The following ANKRD17 variants were observed in gnomAD, a reference collection of about 807,000 sequenced individuals.
ANKRD17 encodes ankyrin repeat domain 17, also known as ankyrin repeat domain-containing protein 17.
A neutral mutation model predicts 229.7 loss-of-function variants in ANKRD17; 19 were observed. That is an observed-to-expected ratio of 0.08 (90% CI 0.06 to 0.12). ANKRD17 has a LOEUF of 0.12. Among genes scored for constraint, ANKRD17 ranks in the 10% least tolerant of loss-of-function variants. ANKRD17 has a pLI of 1.00. For synonymous variants in ANKRD17, 1,112 were observed against 1,146.1 expected, an observed-to-expected ratio of 0.97 and a Z score of 0.60; for missense variants, 2,176 against 3,176.8, an observed-to-expected ratio of 0.68 and a Z score of 7.57.
intron 28 of ANKRD17, among the ~76,000 whole-genome samples, chr4:73,092,638 T>C (rs1722900486): frequency 6.6e-6 from 1 of 152,194 alleles, no homozygotes; most frequent in Non-Finnish European, 1.5e-5. Context: ...GAAAAACCAC[T>C]GCACATAAAA....
chr4:73,113,694 GCAAA>G (rs1725599655), intron 24 of ANKRD17, 94 bp downstream of exon 24: 1 of 991,268 alleles, frequency 1.0e-6, no homozygotes, highest in African/African-American at 1.6e-5. Context: ...GTAATTTAAA[GCAAA>G]CAAAACAAAA....
intron 18 of ANKRD17, 117 bp from the exon 19 acceptor site, chr4:73,121,876 C>T: frequency 1.9e-6 from 2 of 1,035,188 alleles, no homozygotes; most frequent in South Asian, 2.2e-5. Context: ...AAAGTTCTTC[C>T]TTCATGCTCT....
At chr4:73,104,510 G>GC (rs1456711470) in intron 24 of ANKRD17, among the ~76,000 whole-genome samples, 17 of 152,168 alleles carry the variant, frequency 1.1e-4, no homozygotes, top group Admixed American at 1.0e-3. Context: ...TATCAAAGCA[G>GC]CTATGGCTAC....
At chr4:73,243,800 T>A (rs531705626) in intron 1 of ANKRD17, among the ~76,000 whole-genome samples, 1 of 152,326 alleles carries the variant, frequency 6.6e-6, no homozygotes, top group African/African-American at 2.4e-5. Flanking sequence ...TTCTGGTCAA[T>A]GGGATATAAT....
chr4:73,160,240 T>C (rs561092515), intron 3 of ANKRD17, among the ~76,000 whole-genome samples: 27 of 109,446 alleles, frequency 2.5e-4, no homozygotes, highest in Non-Finnish European at 4.8e-4. Context: ...TTTTTTGAGA[T>C]GGAGTTTCGC....
intron 16 of ANKRD17, among the ~76,000 whole-genome samples, chr4:73,131,811 A>C (rs1728241164): frequency 6.6e-6 from 1 of 152,210 alleles, no homozygotes; most frequent in Admixed American, 6.5e-5. Flanking sequence ...AAGTTAAAGA[A>C]GTTAATATCT....
In ANKRD17 at chr4:73,139,821, A is replaced by T. The variant is rs765796180; in HGVS notation, c.2795T>A (p.Val932Glu). ...TTCATCTTTAAGTAAAACAGGATCC[A>T]CTTGCTGTAACCGTGCATAGTCTCC... ...SEGDYARLQQ[V>E]DPVLLKDEPQ... is the part of the protein sequence containing the mutation. Residue 932 changes from valine (V) to glutamate (E), a missense_variant, in exon 15 of 34, where the codon GTG becomes GAG. Val to Glu is a moderately radical substitution (Grantham distance 121). Around this residue, in one of 18 missense-constraint regions of ANKRD17, gnomAD observed 230 missense variants for 252.3 expected, o/e 0.91. Transcript: ENST00000358602. 1.2e-6 allele frequency: 2 copies of T among 1,614,074 alleles called. No homozygotes were observed. Among genetic ancestry groups the T allele is most frequent in the African/African-American group, 2.7e-5 (2 of 74,920 alleles).
chr4:73,132,670 AAAATG>A (rs1158173050), intron 16 of ANKRD17, among the ~76,000 whole-genome samples: 1 of 152,168 alleles, frequency 6.6e-6, no homozygotes, highest in Non-Finnish European at 1.5e-5. Flanking sequence ...TACTATGTTT[AAAATG>A]TAAGTTTAAA....
intron 11 of ANKRD17, 91 bp from the exon 12 acceptor site, chr4:73,142,858 T>C (rs541072859): frequency 2.8e-6 from 4 of 1,405,440 alleles, no homozygotes; most frequent in East Asian, 2.5e-5. Flanking sequence ...GTAGAGAAAA[T>C]AGTATTATGA....
At chr4:73,077,201 C>T in intron 32 of ANKRD17, 97 bp from the exon 33 acceptor site, 1 of 1,368,714 alleles carries the variant, frequency 7.3e-7, no homozygotes, top group South Asian at 1.6e-5. Context: ...AAGTTCACCT[C>T]ATCCTGGGAA....
At chr4:73,210,291 GAAC>G (rs145672106) in intron 1 of ANKRD17, among the ~76,000 whole-genome samples, 15,749 of 151,914 alleles carry the variant, frequency 0.1, 1,071 homozygotes, top group Middle Eastern at 0.17. Flanking sequence ...TCCTACATAT[GAAC>G]AACAAACAAT....
chr4:73,102,119 TA>T (rs1459939830), intron 25 of ANKRD17, among the ~76,000 whole-genome samples: 3 of 151,852 alleles, frequency 2.0e-5, no homozygotes, highest in African/African-American at 4.8e-5. Flanking sequence ...TCCAGATAAT[TA>T]AAAAAAATTT....
At chr4:73,092,535 G>A (rs1402641243) in intron 28 of ANKRD17, among the ~76,000 whole-genome samples, 2 of 151,966 alleles carry the variant, frequency 1.3e-5, no homozygotes, top group African/African-American at 4.8e-5. Flanking sequence ...TTTTTCAGAA[G>A]AATAGTAAAT....
At chr4:73,180,463 T>G (rs1354023319) in intron 1 of ANKRD17, among the ~76,000 whole-genome samples, 3 of 152,170 alleles carry the variant, frequency 2.0e-5, no homozygotes, top group African/African-American at 4.8e-5. Flanking sequence ...GAAAACTTAC[T>G]AGGAAAATTG....
At chr4:73,216,490 T>C (rs935668339) in intron 1 of ANKRD17, among the ~76,000 whole-genome samples, 1 of 152,060 alleles carries the variant, frequency 6.6e-6, no homozygotes, top group Admixed American at 6.6e-5. Context: ...ATGGCGGGGG[T>C]GACAGCATAA....
intron 18 of ANKRD17, among the ~76,000 whole-genome samples, chr4:73,123,289 C>T (rs575860982): frequency 8.6e-5 from 13 of 151,538 alleles, no homozygotes; most frequent in Non-Finnish European, 1.6e-4. Flanking sequence ...TTTTGCTTTC[C>T]GGGATTTATG....
intron 1 of ANKRD17, among the ~76,000 whole-genome samples, chr4:73,239,003 G>A (rs184161477): frequency 5.3e-5 from 8 of 152,226 alleles, no homozygotes; most frequent in African/African-American, 1.9e-4. Context: ...TTAGAATTGT[G>A]GCTGGCACAC....
chr4:73,141,107 C>T (rs1257801920), intron 14 of ANKRD17, among the ~76,000 whole-genome samples: 3 of 151,920 alleles, frequency 2.0e-5, no homozygotes, highest in African/African-American at 7.3e-5. Context: ...TATACGTAGC[C>T]AAAAACCAAA....
intron 1 of ANKRD17, among the ~76,000 whole-genome samples, chr4:73,213,184 A>G (rs543971482): frequency 6.6e-6 from 1 of 152,312 alleles, no homozygotes; most frequent in Admixed American, 6.5e-5. Context: ...CAGTGCATAA[A>G]TTACAAATGC....
Sources: allele counts gnomAD v4.1 joint callset (sites outside exome capture counted in the v4.1 genomes callset), GRCh38; gene constraint gnomAD v4.1.1; regional missense constraint gnomAD v4.1.1; transcripts MANE v1.5; gene names NCBI Gene and HGNC (gene_info 2026-07-23, HGNC 2026-07-21).